REDIC1: variants seen among roughly 807,000 people sequenced by gnomAD.
The protein encoded by REDIC1 is regulator of DNA class I crossover intermediates 1.
chr12:39,727,597 C>T, the REDIC1 span, among the ~76,000 whole-genome samples: 1 of 151,904 alleles, frequency 6.6e-6, no homozygotes, highest in Admixed American at 6.6e-5. Context: ...GTTGTCTTGG[C>T]TATACGGGCT....
chr12:39,742,512 C>T, the REDIC1 span, among the ~76,000 whole-genome samples: 1 of 151,998 alleles, frequency 6.6e-6, no homozygotes, highest in Admixed American at 6.5e-5. Flanking sequence ...CTTATCTTGA[C>T]CAGGTGTCAA....
At chr12:39,671,255 T>C in the REDIC1 span, among the ~76,000 whole-genome samples, 3 of 152,250 alleles carry the variant, frequency 2.0e-5, no homozygotes, top group Admixed American at 2.0e-4. Context: ...ATTTTGATTC[T>C]GGATACATGC....
chr12:39,792,848 G>T, the REDIC1 span, among the ~76,000 whole-genome samples: 44 of 150,480 alleles, frequency 2.9e-4, no homozygotes, highest in African/African-American at 1.0e-3. Context: ...AGTTCAAACC[G>T]ATATTGTTCT....
the REDIC1 span, among the ~76,000 whole-genome samples, chr12:39,786,821 G>C: frequency 6.6e-6 from 1 of 152,118 alleles, no homozygotes; most frequent in Non-Finnish European, 1.5e-5. Context: ...TGCAATGACT[G>C]TTTCCTCTGT....
chr12:39,675,999 A>G, the REDIC1 span, among the ~76,000 whole-genome samples: 1 of 152,164 alleles, frequency 6.6e-6, no homozygotes, highest in Admixed American at 6.5e-5. Flanking sequence ...TCCAAATGAG[A>G]AGGAACCAGA....
chr12:39,777,091 G>A, the REDIC1 span, among the ~76,000 whole-genome samples: 1 of 152,048 alleles, frequency 6.6e-6, no homozygotes, highest in Admixed American at 6.6e-5. Flanking sequence ...AATCATATTC[G>A]GAATCTGCGT....
chr12:39,875,361 CCTTTG>C, the REDIC1 span, among the ~76,000 whole-genome samples: 1 of 152,212 alleles, frequency 6.6e-6, no homozygotes, highest in African/African-American at 2.4e-5. Context: ...TTCACTATGA[CCTTTG>C]CTTTGCCTCC....
chr12:39,835,237 C>T, the REDIC1 span, among the ~76,000 whole-genome samples: 1 of 152,038 alleles, frequency 6.6e-6, no homozygotes, highest in Admixed American at 6.6e-5. Context: ...TTTTCTATCT[C>T]AAGAGCACAC....
the REDIC1 span, among the ~76,000 whole-genome samples, chr12:39,799,132 G>T: frequency 6.9e-6 from 1 of 144,044 alleles, no homozygotes; most frequent in Non-Finnish European, 1.5e-5. Context: ...CAGGCTGCTA[G>T]AGTGCAGTGG....
the REDIC1 span, among the ~76,000 whole-genome samples, chr12:39,748,381 A>G: frequency 9.2e-5 from 14 of 152,250 alleles, no homozygotes; most frequent in Non-Finnish European, 1.0e-4. Flanking sequence ...TATCTTAAAT[A>G]TATATGCACC....
chr12:39,633,841 A>G, the REDIC1 span, among the ~76,000 whole-genome samples: 1 of 152,200 alleles, frequency 6.6e-6, no homozygotes, highest in Non-Finnish European at 1.5e-5. Flanking sequence ...AAGCGTTATA[A>G]TAGTCTCAGT....
At chr12:39,803,152 G>T in the REDIC1 span, among the ~76,000 whole-genome samples, 1 of 150,264 alleles carries the variant, frequency 6.7e-6, no homozygotes, top group African/African-American at 2.5e-5. Flanking sequence ...CTTATTCTAG[G>T]GACCAGCCTA....
the REDIC1 span, among the ~76,000 whole-genome samples, chr12:39,746,672 C>T: frequency 8.5e-5 from 13 of 152,324 alleles, no homozygotes; most frequent in African/African-American, 2.9e-4. Flanking sequence ...TGGGAGGGAC[C>T]CCCAAGTAGG....
the REDIC1 span, among the ~76,000 whole-genome samples, chr12:39,687,133 A>G: frequency 0.8 from 120,969 of 152,020 alleles, 48,806 homozygotes; most frequent in Non-Finnish European, 0.87. Context: ...CGAAGTTCCA[A>G]ACTTTCCCTT....
chr12:39,748,268 G>T, the REDIC1 span, among the ~76,000 whole-genome samples: 1 of 152,242 alleles, frequency 6.6e-6, no homozygotes, highest in Admixed American at 6.5e-5. Flanking sequence ...GGCAGGGGTT[G>T]CAATCCTAGT....
the REDIC1 span, among the ~76,000 whole-genome samples, chr12:39,678,651 G>GAAAAAAAAAAAAAAA: frequency 1.9e-5 from 2 of 106,474 alleles, no homozygotes; most frequent in African/African-American, 3.5e-5. Flanking sequence ...AAAAAAAAAG[G>GAAAAAAAAAAAAAAA]AAACTATAGA....
At chr12:39,827,111 CT>C in the REDIC1 span, among the ~76,000 whole-genome samples, 1 of 151,780 alleles carries the variant, frequency 6.6e-6, no homozygotes, top group Non-Finnish European at 1.5e-5. Flanking sequence ...CTCATGTACA[CT>C]GGGTTCTGAT....
At chr12:39,703,911 A>G in the REDIC1 span, among the ~76,000 whole-genome samples, 1 of 152,224 alleles carries the variant, frequency 6.6e-6, no homozygotes, top group Non-Finnish European at 1.5e-5. Flanking sequence ...CTTACACCTC[A>G]TACAAAAATC....
At chr12:39,812,352 C>CTTTTCTTTTCTT in the REDIC1 span, among the ~76,000 whole-genome samples, 1 of 127,856 alleles carries the variant, frequency 7.8e-6, no homozygotes, top group East Asian at 2.3e-4. Flanking sequence ...CTTTTCTTTT[C>CTTTTCTTTTCTT]TTTTCTTTTC....
Sources: allele counts gnomAD v4.1 joint callset (sites outside exome capture counted in the v4.1 genomes callset), GRCh38; gene constraint gnomAD v4.1.1; transcripts MANE v1.5; gene names NCBI Gene and HGNC (gene_info 2026-07-23, HGNC 2026-07-21).